The following DAB1 variants were observed in gnomAD, a reference collection of about 807,000 sequenced individuals.
DAB1 encodes the protein DAB adaptor protein 1.
Under a neutral mutation model 64.6 loss-of-function variants are expected in DAB1, and 15 were observed. The observed-to-expected ratio is 0.23, with a 90% CI of 0.16 to 0.36. DAB1 has a LOEUF of 0.36. Among genes scored for constraint, DAB1 ranks in the 10% least tolerant of loss-of-function variants. The probability of loss-of-function intolerance (pLI) is 1.00; values close to 1 mark genes in which losing one functional copy is unlikely to be tolerated. For missense variants in DAB1, 596 were observed against 706.7 expected (o/e 0.84, Z 1.78); for synonymous variants, 235 against 251.9 (o/e 0.93, Z 0.64).
At chr1:57,422,637 C>A (rs745676783) in intron 1 of DAB1, among the ~76,000 whole-genome samples, 20 of 152,186 alleles carry the variant, frequency 1.3e-4, no homozygotes, top group Non-Finnish European at 2.4e-4. Context: ...CCTCCCCACC[C>A]CCACGCCATT....
intron 4 of DAB1, among the ~76,000 whole-genome samples, chr1:58,236,517 C>T (rs914624810): frequency 3.3e-5 from 5 of 152,126 alleles, no homozygotes; most frequent in African/African-American, 1.2e-4. Flanking sequence ...CTTCAAACAA[C>T]CCAGAAGGCC....
intron 2 of DAB1, among the ~76,000 whole-genome samples, chr1:57,159,314 T>C (rs1660520496): frequency 6.6e-6 from 1 of 152,176 alleles, no homozygotes; most frequent in African/African-American, 2.4e-5. Flanking sequence ...TTAGACTATC[T>C]CCTAGCAGTG....
chr1:57,574,439 A>G (rs187258692), intron 7 of DAB1, among the ~76,000 whole-genome samples: 9 of 152,206 alleles, frequency 5.9e-5, no homozygotes, highest in African/African-American at 2.2e-4. Context: ...TGTGCTGTTC[A>G]TATATCATCT....
intron 3 of DAB1, among the ~76,000 whole-genome samples, chr1:58,474,809 G>T (rs2100337222): frequency 6.6e-6 from 1 of 152,318 alleles, no homozygotes; most frequent in Non-Finnish European, 1.5e-5. Flanking sequence ...GAAAGCCTTT[G>T]AGTCTCACAG....
chr1:57,512,822 G>A (rs1644420473), intron 7 of DAB1, among the ~76,000 whole-genome samples: 1 of 152,128 alleles, frequency 6.6e-6, no homozygotes, highest in Non-Finnish European at 1.5e-5. Context: ...AGGTTTGGGG[G>A]CATGGCATTC....
intron 1 of DAB1, chr1:58,530,848 C>T: frequency 1.6e-6 from 1 of 621,578 alleles, no homozygotes; most frequent in East Asian, 2.8e-5. Flanking sequence ...ACTGAGAGTT[C>T]TCTTTTTCTT....
At chr1:58,235,283 G>A (rs554251489) in intron 4 of DAB1, among the ~76,000 whole-genome samples, 1 of 152,248 alleles carries the variant, frequency 6.6e-6, no homozygotes, top group Non-Finnish European at 1.5e-5. Context: ...ATTTGAAGAT[G>A]TTCAGTAGCT....
chr1:57,985,620 C>A (rs1055200467), intron 5 of DAB1, among the ~76,000 whole-genome samples: 1 of 147,786 alleles, frequency 6.8e-6, no homozygotes, highest in Non-Finnish European at 1.5e-5. Flanking sequence ...CAACGTGGTC[C>A]CTGACTCACA....
chr1:58,056,748 T>G (rs2764675), intron 5 of DAB1, among the ~76,000 whole-genome samples: 125,736 of 151,976 alleles, frequency 0.83, 52,393 homozygotes, highest in Non-Finnish European at 0.88. Context: ...AGCCAACAGG[T>G]TCTTGACAAG....
chr1:57,212,765 C>A (rs146658927), intron 2 of DAB1, among the ~76,000 whole-genome samples: 8 of 152,160 alleles, frequency 5.3e-5, no homozygotes, highest in Non-Finnish European at 1.5e-5. Flanking sequence ...ATTGTTACCT[C>A]ATTTTAAACC....
intron 6 of DAB1, among the ~76,000 whole-genome samples, chr1:57,717,932 T>C (rs1317475750): frequency 8.3e-6 from 1 of 120,624 alleles, no homozygotes; most frequent in Non-Finnish European, 1.7e-5. Flanking sequence ...GTTAATTTTA[T>C]AGAAGTAGAG....
intron 5 of DAB1, among the ~76,000 whole-genome samples, chr1:58,043,600 T>G (rs1647174077): frequency 6.6e-6 from 1 of 152,214 alleles, no homozygotes; most frequent in South Asian, 2.1e-4. Flanking sequence ...AAATTAATAC[T>G]CACTTCCTCT....
intron 4 of DAB1, among the ~76,000 whole-genome samples, chr1:58,274,973 G>C (rs1569592452): frequency 6.6e-6 from 1 of 151,910 alleles, no homozygotes; most frequent in Non-Finnish European, 1.5e-5. Flanking sequence ...CTTCTGCATC[G>C]CTCACGCTGG....
rs543764769 is a variant in DAB1, at chr1:57,921,060, GAATT to G, written n.388-36902_388-36899del. ...AAACGACCTTAATGATGTTCATTGG[GAATT>G]AATTAAATACATCATAATATGGTGA... is the stretch of plus-strand genomic sequence containing the variant. On this transcript the variant is annotated intron_variant and non_coding_transcript_variant, in intron 5 of 20. Transcript: ENST00000485760. Among the ~76,000 whole-genome samples the G allele has an allele frequency of 9.9e-5, 15 of 152,212 alleles. No individual in the cohort carries two copies. In the East Asian group the frequency reaches 2.9e-3, roughly 29 times the overall value.
At chr1:57,557,012 C>T (rs528962875) in intron 7 of DAB1, among the ~76,000 whole-genome samples, 15 of 152,210 alleles carry the variant, frequency 9.9e-5, no homozygotes, top group African/African-American at 3.6e-4. Flanking sequence ...GAATAGGGTG[C>T]CCTTTCCCCA....
chr1:57,929,139 G>C (rs1644920633), intron 5 of DAB1, among the ~76,000 whole-genome samples: 1 of 152,168 alleles, frequency 6.6e-6, no homozygotes, highest in South Asian at 2.1e-4. Context: ...ATGCCAATAG[G>C]TGTGCAGTGG....
chr1:58,145,408 C>A (rs1654534890), intron 5 of DAB1, among the ~76,000 whole-genome samples: 1 of 152,148 alleles, frequency 6.6e-6, no homozygotes, highest in African/African-American at 2.4e-5. Flanking sequence ...AAAATGGGAA[C>A]AATATTAGTA....
chr1:57,719,929 G>C (rs1647131014), intron 6 of DAB1, among the ~76,000 whole-genome samples: 1 of 152,174 alleles, frequency 6.6e-6, no homozygotes, highest in Non-Finnish European at 1.5e-5. Flanking sequence ...TGTTATATCA[G>C]AGCTGTTACT....
chr1:57,660,496 C>T lies in DAB1; in HGVS notation n.552-10831G>A, dbSNP rs148725229. Among the ~76,000 whole-genome samples, 373 of 152,302 alleles carry T rather than the reference C, an allele frequency of 2.4e-3. 2 individuals carry two copies. The highest frequency in any genetic ancestry group is 8.8e-3 in the African/African-American group (365 of 41,566). On this transcript the variant is annotated intron_variant and non_coding_transcript_variant, in intron 6 of 20. Coordinates refer to the DAB1 transcript ENST00000485760. ...TTGTAAACCTTTTGTATACCATTCA[C>T]ACAAGTACAGATGGCAAAAGGAGTA...
Sources: allele counts gnomAD v4.1 joint callset (sites outside exome capture counted in the v4.1 genomes callset), GRCh38; gene constraint gnomAD v4.1.1; transcripts MANE v1.5; gene names NCBI Gene and HGNC (gene_info 2026-07-23, HGNC 2026-07-21).